Variants in NKAIN3 observed in about 807,000 individuals in gnomAD.
NKAIN3 encodes the protein sodium/potassium-transporting ATPase subunit beta-1-interacting protein 3.
In NKAIN3, 25 loss-of-function variants were observed where a neutral mutation model predicts 30.2. The ratio of observed to expected loss-of-function variants is 0.83; its 90% CI spans 0.60 to 1.16. NKAIN3 has a LOEUF of 1.16. Ranked by LOEUF, NKAIN3 falls within the 50% of genes most tolerant of loss-of-function variation. The pLI, the probability that NKAIN3 is intolerant of heterozygous loss-of-function variation, is 0.00. For missense variants in NKAIN3, 225 were observed against 254.1 expected, an observed-to-expected ratio of 0.89 and a Z score of 0.78; for synonymous variants, 91 against 89.6, an observed-to-expected ratio of 1.02 and a Z score of -0.09.
chr8:62,777,066 C>A (rs1486279238), intron 4 of NKAIN3, among the ~76,000 whole-genome samples: 1 of 152,186 alleles, frequency 6.6e-6, no homozygotes, highest in Non-Finnish European at 1.5e-5. Flanking sequence ...AGTCTGCTGC[C>A]AGGCACACTG....
intron 1 of NKAIN3, among the ~76,000 whole-genome samples, chr8:62,358,156 C>T (rs541975159): frequency 6.6e-6 from 1 of 151,680 alleles, no homozygotes; most frequent in East Asian, 1.9e-4. Context: ...GGAGGAAAGG[C>T]CTGAATTATG....
chr8:62,253,037 G>A (rs543607379), intron 1 of NKAIN3, among the ~76,000 whole-genome samples: 3 of 152,214 alleles, frequency 2.0e-5, no homozygotes, highest in African/African-American at 4.8e-5. Context: ...CACAGAGGTC[G>A]GACTCTGGCA....
At chr8:62,688,132 T>C (rs1214874800) in intron 3 of NKAIN3, among the ~76,000 whole-genome samples, 3 of 152,228 alleles carry the variant, frequency 2.0e-5, no homozygotes, top group Non-Finnish European at 4.4e-5. Flanking sequence ...CAGTGACAAA[T>C]AATTCAGTTC....
chr8:62,796,681 TGCAGAG>T (rs1817871376), intron 4 of NKAIN3, among the ~76,000 whole-genome samples: 1 of 152,102 alleles, frequency 6.6e-6, no homozygotes, highest in Non-Finnish European at 1.5e-5. Flanking sequence ...TCTTGTACTG[TGCAGAG>T]GAACAAGTAT....
At chr8:62,733,992 AT>A (rs1356887334) in intron 3 of NKAIN3, among the ~76,000 whole-genome samples, 1 of 152,072 alleles carries the variant, frequency 6.6e-6, no homozygotes, top group Non-Finnish European at 1.5e-5. Context: ...TTTTATGAAC[AT>A]TTTAAGGGCT....
chr8:62,905,180 G>T (rs1464537682), intron 4 of NKAIN3, among the ~76,000 whole-genome samples: 1 of 152,164 alleles, frequency 6.6e-6, no homozygotes, highest in African/African-American at 2.4e-5. Flanking sequence ...GAGAGGGTTT[G>T]TGCATGCAGA....
intron 5 of NKAIN3, among the ~76,000 whole-genome samples, chr8:62,950,103 C>T (rs891172109): frequency 6.6e-6 from 1 of 152,138 alleles, no homozygotes; most frequent in Non-Finnish European, 1.5e-5. Flanking sequence ...AATATGACTG[C>T]CTTTCCCCAA....
intron 1 of NKAIN3, among the ~76,000 whole-genome samples, chr8:62,504,901 T>C (rs1419397159): frequency 1.3e-5 from 2 of 152,190 alleles, no homozygotes; most frequent in Non-Finnish European, 2.9e-5. Flanking sequence ...ATGACTTTCT[T>C]TCAGTTTTGA....
chr8:62,578,397 G>A (rs990351091), intron 1 of NKAIN3, among the ~76,000 whole-genome samples: 1 of 152,008 alleles, frequency 6.6e-6, no homozygotes, highest in African/African-American at 2.4e-5. Context: ...TTTCTGTCTG[G>A]TATTCTAAAA....
At chr8:62,539,644 C>G (rs1373524283) in intron 1 of NKAIN3, among the ~76,000 whole-genome samples, 1 of 152,146 alleles carries the variant, frequency 6.6e-6, no homozygotes, top group African/African-American at 2.4e-5. Flanking sequence ...GGCTGGAGTG[C>G]AGTGGTGCAA....
chr8:62,411,847 G>C (rs62509251), intron 1 of NKAIN3, among the ~76,000 whole-genome samples: 21,285 of 151,998 alleles, frequency 0.14, 1,774 homozygotes, highest in East Asian at 0.41. Context: ...TACAGCTAAC[G>C]AAAGGGGTGA....
intron 4 of NKAIN3, among the ~76,000 whole-genome samples, chr8:62,830,047 G>T (rs1352163489): frequency 6.6e-6 from 1 of 152,110 alleles, no homozygotes. Context: ...ATGCATCAAA[G>T]GAGAAGCCAG....
chr8:62,543,687 G>T (rs1451561745), intron 1 of NKAIN3, among the ~76,000 whole-genome samples: 1 of 152,202 alleles, frequency 6.6e-6, no homozygotes, highest in East Asian at 1.9e-4. Flanking sequence ...TAATTATTGG[G>T]TACTTTGGCA....
At chr8:62,786,072 C>G (rs1024461662) in intron 4 of NKAIN3, among the ~76,000 whole-genome samples, 1 of 151,928 alleles carries the variant, frequency 6.6e-6, no homozygotes, top group African/African-American at 2.4e-5. Context: ...CACCACACCC[C>G]CCTCCCTGCA....
chr8:62,803,567 G>A (rs1054833871), intron 4 of NKAIN3, among the ~76,000 whole-genome samples: 13 of 152,096 alleles, frequency 8.5e-5, no homozygotes, highest in Non-Finnish European at 1.6e-4. Context: ...TGAAACCAAC[G>A]AGAACAAAGA....
intron 3 of NKAIN3, among the ~76,000 whole-genome samples, chr8:62,634,708 T>C (rs531281322): frequency 1.3e-5 from 2 of 152,304 alleles, no homozygotes; most frequent in Non-Finnish European, 2.9e-5. Flanking sequence ...AGCAAAGTCA[T>C]GCTTGCATGG....
chr8:62,751,534 G>A (rs914772006), intron 4 of NKAIN3, among the ~76,000 whole-genome samples: 5 of 151,998 alleles, frequency 3.3e-5, no homozygotes, highest in East Asian at 1.9e-4. Context: ...ACAAGCTAAC[G>A]TATGATATGC....
intron 3 of NKAIN3, among the ~76,000 whole-genome samples, chr8:62,629,836 C>G (rs892527087): frequency 2.0e-5 from 3 of 151,898 alleles, no homozygotes; most frequent in African/African-American, 7.3e-5. Context: ...AATTTATAAA[C>G]CTTATATATG....
chr8:62,275,721 A>G (rs1387287581), intron 1 of NKAIN3, among the ~76,000 whole-genome samples: 2 of 152,306 alleles, frequency 1.3e-5, no homozygotes, highest in East Asian at 1.9e-4. Context: ...GCATATTACA[A>G]TTTTTAAATG....
Sources: gnomAD v4.1 joint callset for allele counts (sites outside exome capture counted in the v4.1 genomes callset) on GRCh38, gnomAD v4.1.1 for gene constraint, MANE v1.5 for transcripts, NCBI Gene and HGNC (gene_info 2026-07-23, HGNC 2026-07-21) for gene names.